The following RGS3 variants were observed in gnomAD, a reference collection of about 807,000 sequenced individuals.
The protein encoded by RGS3 is regulator of G protein signaling 3.
RGS3 carries 80 observed loss-of-function variants against 132.6 expected under a neutral mutation model. That is an observed-to-expected ratio of 0.60 (90% CI 0.50 to 0.73). The LOEUF is 0.73. Among genes scored for constraint, RGS3 ranks in the 30% least tolerant of loss-of-function variants. The pLI is 0.00. For missense variants in RGS3, 1,382 were observed against 1,530.8 expected (o/e 0.90, Z 1.62); for synonymous variants, 598 against 620.6 (o/e 0.96, Z 0.54).
exon 22 of RGS3, chr9:113,594,513 A>G (rs753817829): frequency 3.1e-6 from 5 of 1,613,516 alleles, no homozygotes. Context: ...AAGGCAGACA[A>G]AATGATGAAG....
At chr9:113,594,061 C>A (rs1331523579) in intron 21 of RGS3, 3 of 1,613,000 alleles carry the variant, frequency 1.9e-6, no homozygotes, top group Non-Finnish European at 2.5e-6. Context: ...TCCGCTCCCC[C>A]TCCTGGTCCC....
rs923491794 is a variant in RGS3, at chr9:113,591,058, C to T, written c.3016-275C>T. ...CACTGCCTGCAATGAAGCCTCTGTC[C>T]TGAGTGCCAGCCGTCTGGCTTCTCC... On this transcript the variant is annotated intron_variant, in intron 20 of 24. Transcript: ENST00000350696. The surrounding 1 kb of genome is among the most constrained non-coding windows in gnomAD (Gnocchi z 4.4). 1.3e-5 allele frequency among the ~76,000 whole-genome samples: 2 copies of T among 152,232 alleles called. No homozygotes were observed. Among genetic ancestry groups the T allele is most frequent in the Non-Finnish European group, 2.9e-5 (2 of 68,032 alleles).
chr9:113,516,048 C>T (rs576227416), intron 15 of RGS3, among the ~76,000 whole-genome samples: 3 of 152,348 alleles, frequency 2.0e-5, no homozygotes, highest in East Asian at 3.9e-4. Context: ...AGGCTCTTTA[C>T]ACATATTGAC....
In RGS3 at chr9:113,513,383, A is replaced by C. The variant is rs368723359; in HGVS notation, c.1478-1075A>C. Among the ~76,000 whole-genome samples, 7 of 152,186 alleles carry C rather than the reference A, an allele frequency of 4.6e-5. No homozygotes were observed. The East Asian group carries it at 7.7e-4, about 17-fold the overall frequency. ...CTCTCTCTCTCTCCTTATGATTAGAATGATTTGTGAGTTGGTGGCCAAGCC... is the reference window on the plus strand; with the variant it reads ...CTCTCTCTCTCTCCTTATGATTAGACTGATTTGTGAGTTGGTGGCCAAGCC... On this transcript the variant is annotated intron_variant, in intron 14 of 24. Transcript: ENST00000350696.
At chr9:113,581,948 G>A in intron 19 of RGS3, 1 of 842,336 alleles carries the variant, frequency 1.2e-6, no homozygotes, top group Non-Finnish European at 1.4e-6. Context: ...AGTCCTCCAA[G>A]GCCTCCCCTC....
chr9:113,499,857 G>C (rs914359799), intron 10 of RGS3, among the ~76,000 whole-genome samples: 1 of 152,224 alleles, frequency 6.6e-6, no homozygotes, highest in Non-Finnish European at 1.5e-5. Context: ...GGGTTAGACA[G>C]AGAAACTTGC....
intron 19 of RGS3, among the ~76,000 whole-genome samples, chr9:113,551,999 G>A (rs1833359423): frequency 6.6e-6 from 1 of 152,158 alleles, no homozygotes; most frequent in African/African-American, 2.4e-5. Flanking sequence ...TAGTGGGAGT[G>A]AAGTAGTATC....
chr9:113,501,511 C>T (rs532063819), intron 10 of RGS3: 154 of 1,532,030 alleles, frequency 1.0e-4, no homozygotes, highest in South Asian at 3.5e-4. Flanking sequence ...GGGTCCAGTG[C>T]GGGCTCCCGC....
intron 19 of RGS3, among the ~76,000 whole-genome samples, chr9:113,580,229 G>C (rs1045486564): frequency 6.6e-6 from 1 of 152,218 alleles, no homozygotes; most frequent in Non-Finnish European, 1.5e-5. Context: ...AGCACTCCAG[G>C]CTGTTCCTCC....
intron 20 of RGS3, among the ~76,000 whole-genome samples, chr9:113,588,487 G>T (rs1835239640): frequency 6.6e-6 from 1 of 152,170 alleles, no homozygotes. Context: ...TCACTAGTGG[G>T]CTCTGGACCC....
At chr9:113,519,510 C>CAAAA (rs35813905) in intron 16 of RGS3, among the ~76,000 whole-genome samples, 1 of 99,616 alleles carries the variant, frequency 1.0e-5, no homozygotes. Context: ...TTACTCACAC[C>CAAAA]AAAAAAAAAA....
At chr9:113,584,759 A>G (rs1478836786) in intron 20 of RGS3, among the ~76,000 whole-genome samples, 1 of 152,270 alleles carries the variant, frequency 6.6e-6, no homozygotes, top group East Asian at 1.9e-4. Flanking sequence ...AAATAGAGTT[A>G]CAGCCTAGCC....
Position 113,542,329 on chromosome 9 carries a change from T to G in RGS3, c.2037+5411T>G, listed in dbSNP as rs1832937249. On this transcript the variant is annotated intron_variant, in intron 19 of 24. Coordinates refer to ENST00000350696, the Ensembl canonical transcript of RGS3. ...GTGCAAGACACAGTGGGTGAGGTAG[T>G]TGATGTCTTGTTGATTTCATTCTAG... is the stretch of plus-strand genomic sequence containing the variant. Among the ~76,000 whole-genome samples the G allele has an allele frequency of 2.0e-5, 3 of 152,304 alleles. No homozygotes were observed. In the South Asian group the frequency reaches 6.2e-4, roughly 32 times the overall value.
intron 20 of RGS3, among the ~76,000 whole-genome samples, chr9:113,588,122 C>T (rs1835215597): frequency 6.6e-6 from 1 of 152,224 alleles, no homozygotes; most frequent in Non-Finnish European, 1.5e-5. Flanking sequence ...GGCCCTGCTT[C>T]CTTCCTCCCC....
intron 19 of RGS3, 50 bp downstream of exon 17, chr9:113,536,968 C>G (rs747874807): frequency 6.4e-7 from 1 of 1,566,876 alleles, no homozygotes; most frequent in Non-Finnish European, 8.8e-7. Context: ...TTCCCCTCAG[C>G]CAGCCTAGAC....
chr9:113,482,556 A>G (rs1429155941), intron 4 of RGS3, among the ~76,000 whole-genome samples: 1 of 152,192 alleles, frequency 6.6e-6, no homozygotes, highest in African/African-American at 2.4e-5. Context: ...GGCATGGCTC[A>G]TGGCACATGG....
exon 16 of RGS3, chr9:113,517,599 A>G (rs775479162): frequency 1.1e-5 from 17 of 1,613,474 alleles, no homozygotes; most frequent in Admixed American, 6.7e-5. Flanking sequence ...CTGCTGCTGT[A>G]TGAAGGGAGG....
At chr9:113,482,622 G>A (rs1043832199) in intron 4 of RGS3, among the ~76,000 whole-genome samples, 1 of 152,216 alleles carries the variant, frequency 6.6e-6, no homozygotes, top group Non-Finnish European at 1.5e-5. Flanking sequence ...ACTGAGCCGG[G>A]AGTCAAGAGA....
chr9:113,542,514 G>A (rs1310871765), intron 19 of RGS3, among the ~76,000 whole-genome samples: 1 of 152,154 alleles, frequency 6.6e-6, no homozygotes, highest in East Asian at 1.9e-4. Context: ...TGTCCTGGAT[G>A]GTGGCTGGGG....
Sources: gnomAD v4.1 joint callset for allele counts (sites outside exome capture counted in the v4.1 genomes callset) on GRCh38, gnomAD v4.1.1 for gene constraint, Gnocchi (gnomAD v3.1) non-coding constraint, MANE v1.5 for transcripts, NCBI Gene and HGNC (gene_info 2026-07-23, HGNC 2026-07-21) for gene names.